Variants in IKZF2 observed in about 807,000 individuals in gnomAD.
The protein encoded by IKZF2 is zinc finger protein Helios.
In IKZF2, 15 loss-of-function variants were observed where a neutral mutation model predicts 49.2. The ratio of observed to expected loss-of-function variants is 0.30; its 90% CI spans 0.20 to 0.47. The LOEUF is 0.47. Ranked by LOEUF, IKZF2 falls within the 20% of genes least tolerant of loss-of-function variation. IKZF2 has a pLI of 1.00. For synonymous variants in IKZF2, 227 were observed against 221.4 expected (o/e 1.03, Z -0.23); for missense variants, 567 against 664.6 (o/e 0.85, Z 1.61).
intron 4 of IKZF2, among the ~76,000 whole-genome samples, chr2:213,110,771 G>A (rs2059680002): frequency 6.6e-6 from 1 of 151,922 alleles, no homozygotes; most frequent in African/African-American, 2.4e-5. Flanking sequence ...AAAAGGCCCT[G>A]TTTCCTTGCA....
intron 4 of IKZF2, among the ~76,000 whole-genome samples, chr2:213,141,996 G>GT (rs762483902): frequency 9.2e-5 from 14 of 151,942 alleles, no homozygotes; most frequent in Non-Finnish European, 1.6e-4. Context: ...ATTTTATTAG[G>GT]TATCATCAAG....
intron 5 of IKZF2, among the ~76,000 whole-genome samples, chr2:213,054,010 T>C (rs1395225865): frequency 6.6e-6 from 1 of 152,164 alleles, no homozygotes; most frequent in African/African-American, 2.4e-5. Context: ...CCCAGCACTT[T>C]GAGAGGCTAG....
intron 4 of IKZF2, among the ~76,000 whole-genome samples, chr2:213,121,346 G>A (rs1574916584): frequency 6.6e-6 from 1 of 152,144 alleles, no homozygotes; most frequent in Non-Finnish European, 1.5e-5. Flanking sequence ...TTGTACAAGC[G>A]CATTTAAAAT....
At chr2:213,125,281 C>A (rs777254626) in intron 4 of IKZF2, among the ~76,000 whole-genome samples, 4 of 152,136 alleles carry the variant, frequency 2.6e-5, no homozygotes, top group Admixed American at 2.0e-4. Flanking sequence ...CGAATAAAAT[C>A]TTTTTTCTCT....
chr2:213,074,725 G>A (rs1347641509), intron 4 of IKZF2, among the ~76,000 whole-genome samples: 1 of 151,932 alleles, frequency 6.6e-6, no homozygotes, highest in Non-Finnish European at 1.5e-5. Flanking sequence ...TCTGTACTTT[G>A]GTCTTTGCCA....
intron 4 of IKZF2, among the ~76,000 whole-genome samples, chr2:213,127,945 T>C (rs2060323989): frequency 6.6e-6 from 1 of 152,078 alleles, no homozygotes; most frequent in Non-Finnish European, 1.5e-5. Flanking sequence ...TGATCAACCA[T>C]AATAATTAAA....
At chr2:213,107,106 G>A (rs1206656244) in intron 4 of IKZF2, among the ~76,000 whole-genome samples, 1 of 152,072 alleles carries the variant, frequency 6.6e-6, no homozygotes, top group East Asian at 1.9e-4. Context: ...TGTCTATGAT[G>A]AGCAAATTAG....
chr2:213,044,232 T>C (rs1391176317), intron 6 of IKZF2, among the ~76,000 whole-genome samples: 4 of 152,212 alleles, frequency 2.6e-5, no homozygotes, highest in African/African-American at 9.6e-5. Context: ...CCCCTTTCTC[T>C]TTCAGGCTAG....
chr2:213,050,628 G>GT (rs533925244), intron 5 of IKZF2, among the ~76,000 whole-genome samples: 179 of 152,146 alleles, frequency 1.2e-3, no homozygotes, highest in Middle Eastern at 3.4e-3. Flanking sequence ...TCCTGTACAT[G>GT]TTTTTTGTGA....
Position 213,013,773 on chromosome 2 carries a change from AG to A in IKZF2, c.856+17del, listed in dbSNP as rs1559162397. 1.3e-6 allele frequency: 2 copies of A among 1,595,148 alleles called. No individual in the cohort carries two copies. Among genetic ancestry groups the A allele is most frequent in the Non-Finnish European group, 1.7e-6 (2 of 1,171,188 alleles). On this transcript the variant is annotated intron_variant, in intron 8 of 8. Transcript: ENST00000434687. ...TAACATCACCTTGCAAAGAAACAAA[AG>A]CATTTGTAATGCTTACCCACAAACT...
chr2:213,128,823 T>TTTTTTTTTTTTTTTTTTG (rs2060366140), intron 4 of IKZF2, among the ~76,000 whole-genome samples: 1 of 147,630 alleles, frequency 6.8e-6, no homozygotes, highest in Non-Finnish European at 1.5e-5. Context: ...TTTTTTTTTT[T>TTTTTTTTTTTTTTTTTTG]GTATTTTTAG....
At chr2:213,109,906 C>T (rs1400427373) in intron 4 of IKZF2, among the ~76,000 whole-genome samples, 1 of 151,768 alleles carries the variant, frequency 6.6e-6, no homozygotes, top group Non-Finnish European at 1.5e-5. Flanking sequence ...TTACACTGTT[C>T]AATATTAATT....
At chr2:213,024,022 T>A (rs536918127) in intron 6 of IKZF2, among the ~76,000 whole-genome samples, 1 of 152,214 alleles carries the variant, frequency 6.6e-6, no homozygotes, top group East Asian at 1.9e-4. Flanking sequence ...AGACATGTAG[T>A]TTTTATGTTT....
chr2:213,013,575 G>A (rs1393207312), intron 8 of IKZF2, among the ~76,000 whole-genome samples: 1 of 151,892 alleles, frequency 6.6e-6, no homozygotes, highest in Non-Finnish European at 1.5e-5. Flanking sequence ...TTGAGATGGT[G>A]ACCACTATCA....
At chr2:213,013,621 G>T (rs760542158) in intron 8 of IKZF2, among the ~76,000 whole-genome samples, 170 bp downstream of exon 8, 5 of 151,980 alleles carry the variant, frequency 3.3e-5, no homozygotes, top group Admixed American at 6.6e-5. Context: ...GTGTGTTGGT[G>T]TAAGTGTGGT....
rs1695280401 is a variant in IKZF2, at chr2:213,005,580, T to C, written c.*1780A>G. ...TCATACCACACTGTATTAAGATACA[T>C]AATTTCAGCATCCTATTTAATGATC... On this transcript the variant is annotated 3_prime_UTR_variant, in exon 9 of 9. Coordinates refer to ENST00000434687, the MANE Select transcript of IKZF2 (RefSeq NM_001387220.1). 4 of 152,024 alleles carry C rather than the reference T, an allele frequency of 2.6e-5. No homozygotes were observed. The South Asian group carries it at 8.3e-4, about 31-fold the overall frequency. 9.4% of individuals were successfully genotyped at this position (152,024 alleles called of 1,614,324 possible).
In IKZF2 at chr2:213,002,693, G is replaced by A. The variant is rs766451439; in HGVS notation, c.*4667C>T. The A allele has an allele frequency of 3.3e-5, 5 of 151,818 alleles. No homozygotes were observed. Among genetic ancestry groups the A allele is most frequent in the African/African-American group, 7.3e-5 (3 of 41,372 alleles). 9.4% of individuals were successfully genotyped at this position (151,818 alleles called of 1,614,324 possible). On this transcript the variant is annotated 3_prime_UTR_variant, in exon 9 of 9. Coordinates refer to ENST00000434687, the MANE Select transcript of IKZF2 (RefSeq NM_001387220.1). ...ACTGTTCAGTTTTGCTTTGTTCAAG[G>A]AGAATTAATTACCTGCTTTTTCACA...
intron 4 of IKZF2, among the ~76,000 whole-genome samples, chr2:213,136,042 C>A (rs1401919647): frequency 3.1e-5 from 4 of 130,056 alleles, no homozygotes; most frequent in African/African-American, 1.6e-4. Flanking sequence ...GAGCGAGACT[C>A]CGTTTCAAAA....
At chr2:213,151,943 T>C (rs1247607193), upstream of IKZF2, among the ~76,000 whole-genome samples, 3 of 151,322 alleles carry the variant, frequency 2.0e-5, no homozygotes, top group African/African-American at 7.3e-5. Context: ...ACAGGACAAG[T>C]GCTGCCCCGG....
Sources: allele counts gnomAD v4.1 joint callset (sites outside exome capture counted in the v4.1 genomes callset), GRCh38; gene constraint gnomAD v4.1.1; transcripts MANE v1.5; gene names NCBI Gene and HGNC (gene_info 2026-07-23, HGNC 2026-07-21).